The following DMD variants were observed in gnomAD, a reference collection of about 807,000 sequenced individuals.
The protein encoded by DMD is mutant dystrophin.
Under a neutral mutation model 330.1 loss-of-function variants are expected in DMD, and 63 were observed. The ratio of observed to expected loss-of-function variants is 0.19; its 90% CI spans 0.16 to 0.24. The LOEUF is 0.24. Among genes scored for constraint, DMD ranks in the 10% least tolerant of loss-of-function variants. The pLI is 1.00. For missense variants in DMD, 3,344 were observed against 2,684.1 expected (o/e 1.25, Z -5.43); for synonymous variants, 1,223 against 959.8 (o/e 1.27, Z -5.07).
chrX:32,270,892 T>C (rs1274142299), intron 43 of DMD, among the ~76,000 whole-genome samples: 1 of 111,694 alleles, frequency 9.0e-6, no homozygotes, highest in Non-Finnish European at 1.9e-5. Context: ...CACAGCATTA[T>C]TGTGGTTGTA....
intron 1 of DMD, among the ~76,000 whole-genome samples, chrX:33,051,193 A>G (rs1336842301): frequency 1.9e-5 from 2 of 105,871 alleles, no homozygotes; most frequent in African/African-American, 3.5e-5. Context: ...TTGGATCTTC[A>G]CTATCTCAAC....
chrX:33,146,050 C>T (rs1424927071), intron 1 of DMD, among the ~76,000 whole-genome samples: 1 of 110,085 alleles, frequency 9.1e-6, no homozygotes, highest in Non-Finnish European at 1.9e-5. Context: ...CCACACCCAG[C>T]TCATTTTTTT....
chrX:31,425,980 A>T (rs2063694503), intron 60 of DMD, among the ~76,000 whole-genome samples: 1 of 111,192 alleles, frequency 9.0e-6, no homozygotes, highest in Non-Finnish European at 1.9e-5. Flanking sequence ...TAACTTGGCA[A>T]CCTACTAGAA....
Position 32,856,454 on chromosome X carries a change from T to C in DMD, c.94-6634A>G, listed in dbSNP as rs12558082. ...ATGGATAAAGAAAATGTGGTACATA[T>C]ATACGTAGTGGAGTACTACTCAGTC... On this transcript the variant is annotated intron_variant, in intron 2 of 78. Transcript: ENST00000357033. 3.6e-3 allele frequency among the ~76,000 whole-genome samples: 400 copies of C among 110,084 alleles called. 1 individual carries two copies. The highest frequency in any genetic ancestry group is 6.0e-3 in the Non-Finnish European group (314 of 52,579).
At chrX:32,528,773 C>A (rs2047161985) in intron 17 of DMD, among the ~76,000 whole-genome samples, 2 of 110,813 alleles carry the variant, frequency 1.8e-5, no homozygotes, top group African/African-American at 6.6e-5. Context: ...CCAAACATTC[C>A]TTTCTATTGA....
At chrX:33,172,645 G>A (rs1006645280) in intron 1 of DMD, among the ~76,000 whole-genome samples, 1 of 111,606 alleles carries the variant, frequency 9.0e-6, no homozygotes, top group African/African-American at 3.3e-5. Context: ...AAACACTATT[G>A]GGAGAGATTA....
intron 63 of DMD, among the ~76,000 whole-genome samples, chrX:31,237,603 C>T (rs372302639): frequency 8.0e-5 from 9 of 112,447 alleles, no homozygotes; most frequent in African/African-American, 2.9e-4. Context: ...CTGACATAGA[C>T]TGAGGTGCTT....
At chrX:31,812,230 T>C (rs1215127211) in intron 50 of DMD, among the ~76,000 whole-genome samples, 1 of 110,032 alleles carries the variant, frequency 9.1e-6, no homozygotes. Flanking sequence ...TGGAATACTA[T>C]GCAGCCATAA....
In DMD at chrX:32,883,822, T is replaced by TC. The variant is rs1363378052; in HGVS notation, c.94-34003dup. ...CTGGGTGACAGAGCAAGACTCTGTT[T>TC]CAAAAAAAAAAAAAAAAAAAAAAAA... On this transcript the variant is annotated intron_variant, in intron 2 of 78. Transcript: ENST00000357033. Among the ~76,000 whole-genome samples, 55 of 18,524 alleles carry TC rather than the reference T, an allele frequency of 3.0e-3. 1 individual carries two copies. Among genetic ancestry groups the TC allele is most frequent in the African/African-American group, 0.013 (52 of 3,864 alleles). 16.1% of individuals were successfully genotyped at this position (18,524 alleles called of 115,157 possible).
At chrX:32,977,363 T>C (rs2092583388) in intron 2 of DMD, among the ~76,000 whole-genome samples, 1 of 111,534 alleles carries the variant, frequency 9.0e-6, no homozygotes, top group Non-Finnish European at 1.9e-5. Context: ...ACCCAATTGA[T>C]TAAATTATGA....
intron 45 of DMD, among the ~76,000 whole-genome samples, chrX:31,966,129 T>C (rs2095348894): frequency 9.0e-6 from 1 of 111,356 alleles, no homozygotes. Flanking sequence ...ATAGGCATCT[T>C]ATATATTTTT....
chrX:32,654,887 G>A (rs970538147), intron 9 of DMD, among the ~76,000 whole-genome samples: 1 of 111,775 alleles, frequency 8.9e-6, no homozygotes, highest in African/African-American at 3.3e-5. Flanking sequence ...GAGGGTGTAT[G>A]TGTCCACGAA....
intron 26 of DMD, 53 bp downstream of exon 26, chrX:32,454,608 TC>T: frequency 9.7e-7 from 1 of 1,031,227 alleles, no homozygotes; most frequent in Non-Finnish European, 1.3e-6. Flanking sequence ...TGCATTTCTT[TC>T]TTTTTCCATT....
intron 44 of DMD, among the ~76,000 whole-genome samples, chrX:32,105,870 A>G (rs1158426074): frequency 8.9e-6 from 1 of 111,975 alleles, no homozygotes; most frequent in Non-Finnish European, 1.9e-5. Flanking sequence ...TTTAAACTTC[A>G]CCATAATGAA....
chrX:31,192,010 G>A (rs189832125), intron 67 of DMD, among the ~76,000 whole-genome samples: 5 of 112,181 alleles, frequency 4.5e-5, no homozygotes, highest in African/African-American at 1.6e-4. Flanking sequence ...CAAGGAGAAC[G>A]GTTAGTCAGG....
intron 44 of DMD, among the ~76,000 whole-genome samples, chrX:32,047,340 T>C (rs1335713217): frequency 9.0e-6 from 1 of 111,495 alleles, no homozygotes. Context: ...TTACTTTGAA[T>C]GAAATACATT....
At chrX:32,969,582 C>T (rs760938789) in intron 2 of DMD, among the ~76,000 whole-genome samples, 7 of 93,890 alleles carry the variant, frequency 7.5e-5, no homozygotes, top group Admixed American at 6.3e-4. Flanking sequence ...TTGGCACAAA[C>T]GCATATTTGT....
intron 44 of DMD, among the ~76,000 whole-genome samples, chrX:32,207,791 A>AT (rs1262391704): frequency 3.6e-5 from 4 of 111,796 alleles, no homozygotes; most frequent in Non-Finnish European, 3.8e-5. Context: ...TGCACAGTTT[A>AT]TTTTTTTAAC....
At chrX:32,775,584 G>A (rs1252196769) in intron 7 of DMD, among the ~76,000 whole-genome samples, 2 of 113,225 alleles carry the variant, frequency 1.8e-5, no homozygotes, top group Non-Finnish European at 3.7e-5. Context: ...GGTGCAAGAT[G>A]TACCTTGGCC....
Sources: gnomAD v4.1 joint callset for allele counts (sites outside exome capture counted in the v4.1 genomes callset) on GRCh38, gnomAD v4.1.1 for gene constraint, MANE v1.5 for transcripts, NCBI Gene and HGNC (gene_info 2026-07-23, HGNC 2026-07-21) for gene names.